FRMPD1: variants seen among roughly 807,000 people sequenced by gnomAD.
The protein encoded by FRMPD1 is FERM and PDZ domain containing 1.
Under a neutral mutation model 117.8 loss-of-function variants are expected in FRMPD1, and 76 were observed. That is an observed-to-expected ratio of 0.65 (90% CI 0.54 to 0.78). FRMPD1 has a LOEUF of 0.78. Among genes scored for constraint, FRMPD1 ranks in the 30% least tolerant of loss-of-function variants. FRMPD1 has a pLI of 0.00. For synonymous variants in FRMPD1, 783 were observed against 770.4 expected, an observed-to-expected ratio of 1.02 and a Z score of -0.27; for missense variants, 1,786 against 1,964.5, an observed-to-expected ratio of 0.91 and a Z score of 1.72.
the FRMPD1 span, among the ~76,000 whole-genome samples, chr9:37,636,026 G>A: frequency 6.6e-6 from 1 of 152,196 alleles, no homozygotes; most frequent in African/African-American, 2.4e-5. Context: ...GGCAGAGGGC[G>A]GCAGGAGCAG....
chr9:37,647,798 A>G (rs1413697863), upstream of FRMPD1, among the ~76,000 whole-genome samples: 1 of 152,240 alleles, frequency 6.6e-6, no homozygotes, highest in African/African-American at 2.4e-5. Context: ...ATGGAGGACA[A>G]GATATTTTTG....
chr9:37,656,457 C>T (rs759375956), intron 1 of FRMPD1, among the ~76,000 whole-genome samples: 2 of 152,112 alleles, frequency 1.3e-5, no homozygotes, highest in Non-Finnish European at 2.9e-5. Flanking sequence ...ATTATAAAAG[C>T]GTTCCTTACT....
chr9:37,711,595 T>C (rs1332423727), intron 5 of FRMPD1, among the ~76,000 whole-genome samples, 200 bp downstream of exon 5: 1 of 152,142 alleles, frequency 6.6e-6, no homozygotes, highest in Non-Finnish European at 1.5e-5. Context: ...ACAGATATGG[T>C]GAAGGCCTCA....
At chr9:37,712,558 A>T (rs2118189043) in intron 5 of FRMPD1, among the ~76,000 whole-genome samples, 1 of 152,228 alleles carries the variant, frequency 6.6e-6, no homozygotes, top group South Asian at 2.1e-4. Context: ...GTTTCGCCAC[A>T]TTGGCCAGGC....
chr9:37,722,923 G>T (rs1369410876), intron 6 of FRMPD1, among the ~76,000 whole-genome samples: 2 of 152,174 alleles, frequency 1.3e-5, no homozygotes, highest in Non-Finnish European at 2.9e-5. Flanking sequence ...AGAGCTGGGA[G>T]ATTCTCCAAA....
At chr9:37,699,494 A>G (rs539551753) in intron 2 of FRMPD1, among the ~76,000 whole-genome samples, 1 of 150,606 alleles carries the variant, frequency 6.6e-6, no homozygotes, top group Admixed American at 6.6e-5. Context: ...TAATTTTTGT[A>G]TTTTTGGAAG....
chr9:37,667,687 A>ATAAG (rs1337731244), intron 1 of FRMPD1, among the ~76,000 whole-genome samples: 27 of 108,748 alleles, frequency 2.5e-4, no homozygotes, highest in African/African-American at 1.3e-3. Flanking sequence ...CTGTCTCAAA[A>ATAAG]AAAGAAAAAA....
At chr9:37,679,347 G>A (rs1433911692) in intron 1 of FRMPD1, among the ~76,000 whole-genome samples, 1 of 152,134 alleles carries the variant, frequency 6.6e-6, no homozygotes, top group East Asian at 1.9e-4. Flanking sequence ...TATGGCATTT[G>A]TTTTTGTAAA....
At chr9:37,637,285 G>A in the FRMPD1 span, 7 of 1,543,816 alleles carry the variant, frequency 4.5e-6, no homozygotes, top group East Asian at 1.1e-4. Flanking sequence ...AGTCATATCC[G>A]GGGTTCATGG....
intron 1 of FRMPD1, among the ~76,000 whole-genome samples, chr9:37,673,756 C>A (rs148273367): frequency 6.6e-6 from 1 of 152,386 alleles, no homozygotes; most frequent in African/African-American, 2.4e-5. Flanking sequence ...CACGTGGAAG[C>A]TGGCAAGGTT....
intron 5 of FRMPD1, among the ~76,000 whole-genome samples, chr9:37,717,101 C>T (rs920563143): frequency 2.6e-5 from 4 of 151,994 alleles, no homozygotes; most frequent in Admixed American, 2.6e-4. Flanking sequence ...TATAGGAGAC[C>T]TTATCAAATG....
Position 37,746,086 on chromosome 9 carries a change from G to A in FRMPD1, c.4054G>A (p.Glu1352Lys), listed in dbSNP as rs768662436. ...TCFRGPQPET[E>K]EEDRDLEAHP... ...CTTCCGTGGCCCGCAGCCTGAGACA[G>A]AGGAAGAAGACAGGGACTTGGAAGC... Residue 1352 changes from glutamate (E) to lysine (K), a missense_variant, in exon 16 of 16, where the codon GAG becomes AAG. Glu to Lys is a moderately conservative substitution (Grantham distance 56). Coordinates refer to ENST00000377765, the MANE Select transcript of FRMPD1 (RefSeq NM_014907.3). 1.9e-6 allele frequency: 3 copies of A among 1,614,220 alleles called. No individual in the cohort carries two copies. The African/African-American group carries it at 4.0e-5, about 22-fold the overall frequency.
chr9:37,627,063 C>T, the FRMPD1 span, among the ~76,000 whole-genome samples: 1 of 144,270 alleles, frequency 6.9e-6, no homozygotes, highest in African/African-American at 2.5e-5. Context: ...TTTGCTGACT[C>T]AGGTTTTCCT....
At chr9:37,698,061 C>T (rs1822389502) in intron 2 of FRMPD1, among the ~76,000 whole-genome samples, 1 of 152,130 alleles carries the variant, frequency 6.6e-6, no homozygotes, top group African/African-American at 2.4e-5. Context: ...GTTGTGTGAG[C>T]CAAGATCGTG....
rs575903280 is a variant in FRMPD1, at chr9:37,690,797, A to T, written c.-4-1841A>T. On this transcript the variant is annotated intron_variant, in intron 1 of 15. Transcript: ENST00000377765. Reference sequence around the variant, plus strand: ...ATTTCTCACAATTCTGGAGGCTGGAAAGTCTAATATTGAGGTGCTGGTATC... The same window carrying T: ...ATTTCTCACAATTCTGGAGGCTGGATAGTCTAATATTGAGGTGCTGGTATC... Among the ~76,000 whole-genome samples, 6 of 152,284 alleles carry T rather than the reference A, an allele frequency of 3.9e-5. No homozygotes were observed. In the South Asian group the frequency reaches 1.2e-3, roughly 32 times the overall value.
At chr9:37,640,548 T>C in the FRMPD1 span, among the ~76,000 whole-genome samples, 2 of 152,182 alleles carry the variant, frequency 1.3e-5, no homozygotes, top group African/African-American at 2.4e-5. Flanking sequence ...ATGATTTTAG[T>C]CTTCAGTAAA....
chr9:37,719,919 C>T (rs1006448835), intron 6 of FRMPD1, among the ~76,000 whole-genome samples: 2 of 152,076 alleles, frequency 1.3e-5, no homozygotes, highest in African/African-American at 2.4e-5. Flanking sequence ...TACATTTTCC[C>T]CCAGTAGTCT....
At position 37,744,139 on chromosome 9, in the gene FRMPD1, G is replaced by A. The variant is rs567082063; in HGVS notation, c.2357-250G>A. ...TGGGAGGCAGAGGTTGCAGTGAGCC[G>A]AGATCACGCCACTGCACTCCAGCCT... is the stretch of plus-strand genomic sequence containing the variant. On this transcript the variant is annotated intron_variant, in intron 15 of 15. Transcript: ENST00000377765. 5.9e-5 allele frequency among the ~76,000 whole-genome samples: 9 copies of A among 152,082 alleles called. No homozygotes were observed. In the East Asian group the frequency reaches 1.6e-3, roughly 26 times the overall value.
At chr9:37,742,074 T>C (rs1824449495) in intron 15 of FRMPD1, among the ~76,000 whole-genome samples, 1 of 152,242 alleles carries the variant, frequency 6.6e-6, no homozygotes, top group Non-Finnish European at 1.5e-5. Context: ...GAGAACTCCT[T>C]TGAGCGTTAG....
Sources: allele counts gnomAD v4.1 joint callset (sites outside exome capture counted in the v4.1 genomes callset), GRCh38; gene constraint gnomAD v4.1.1; transcripts MANE v1.5; gene names NCBI Gene and HGNC (gene_info 2026-07-23, HGNC 2026-07-21).